Variants in VGLL3 observed in about 807,000 individuals in gnomAD.
VGLL3 encodes the protein vestigial like family member 3.
In VGLL3, 18 loss-of-function variants were observed where a neutral mutation model predicts 29.2. That is an observed-to-expected ratio of 0.62 (90% CI 0.43 to 0.91). The LOEUF is 0.91. VGLL3 is among the 40% of genes least tolerant of loss of function. The pLI is 0.00. For synonymous variants in VGLL3, 180 were observed against 151.8 expected (o/e 1.19, Z -1.36); for missense variants, 440 against 413.2 (o/e 1.06, Z -0.56).
intron 1 of VGLL3, among the ~76,000 whole-genome samples, chr3:86,988,829 A>C (rs1284014625): frequency 6.6e-6 from 1 of 151,744 alleles, no homozygotes; most frequent in African/African-American, 2.4e-5. Context: ...GTAACCAATC[A>C]ATGTAGATAA....
chr3:86,975,297 C>T (rs866440945), intron 2 of VGLL3, among the ~76,000 whole-genome samples: 3 of 152,146 alleles, frequency 2.0e-5, no homozygotes, highest in Middle Eastern at 6.3e-3. Flanking sequence ...TATTGAACCT[C>T]TTCTTTAAGA....
intron 3 of VGLL3, among the ~76,000 whole-genome samples, chr3:86,963,935 G>A (rs1704908687): frequency 6.6e-6 from 1 of 152,104 alleles, no homozygotes; most frequent in African/African-American, 2.4e-5. Context: ...AATTTTCATT[G>A]AGGGAGTGCA....
At position 86,991,027 on chromosome 3, in the gene VGLL3, C is replaced by A; in HGVS notation, c.-284G>T. 4 of 790,998 alleles carry A rather than the reference C, an allele frequency of 5.1e-6. No homozygotes were observed. The highest frequency in any genetic ancestry group is 1.2e-4 in the South Asian group (2 of 17,328). 49.0% of individuals were successfully genotyped at this position (790,998 alleles called of 1,614,324 possible). ...TCAGGGACGCAGCCGCCCGCTGCGC[C>A]GCTGGGGCATTACCGCGTCCGGCTC... On this transcript the variant is annotated 5_prime_UTR_variant, in exon 1 of 4. Coordinates refer to ENST00000398399, the MANE Select transcript of VGLL3 (RefSeq NM_016206.4).
chr3:86,986,512 G>A (rs945689852), intron 1 of VGLL3, among the ~76,000 whole-genome samples: 14 of 152,274 alleles, frequency 9.2e-5, no homozygotes, highest in Non-Finnish European at 2.1e-4. Context: ...AGTCTCTACA[G>A]TGAAGTTAAT....
At chr3:86,950,269 G>T (rs984672155) in intron 3 of VGLL3, among the ~76,000 whole-genome samples, 3 of 152,128 alleles carry the variant, frequency 2.0e-5, no homozygotes, top group African/African-American at 7.2e-5. Context: ...TAAAAATGAA[G>T]TGACCTAACA....
At chr3:86,980,877 G>A (rs1462913637) in intron 1 of VGLL3, among the ~76,000 whole-genome samples, 2 of 151,538 alleles carry the variant, frequency 1.3e-5, no homozygotes, top group African/African-American at 4.8e-5. Context: ...TATCTACATG[G>A]TGGCATCATT....
intron 3 of VGLL3, chr3:86,962,022 T>A: frequency 1.0e-6 from 1 of 984,118 alleles, no homozygotes; most frequent in Non-Finnish European, 1.2e-6. Flanking sequence ...TGATAATAGA[T>A]CTTTTCTTTT....
chr3:86,990,551 G>A (rs944249545), intron 1 of VGLL3, 67 bp downstream of exon 1: 2 of 1,308,656 alleles, frequency 1.5e-6, no homozygotes, highest in Admixed American at 6.1e-5. Context: ...ACGTCGCCGA[G>A]CCCCAGACCG....
At chr3:86,966,088 G>T (rs1391024741) in intron 3 of VGLL3, among the ~76,000 whole-genome samples, 2 of 151,906 alleles carry the variant, frequency 1.3e-5, no homozygotes, top group African/African-American at 2.4e-5. Flanking sequence ...TCTCTTTTTC[G>T]GGCCAGCCTC....
At chr3:86,989,826 T>C (rs1349719037) in intron 1 of VGLL3, among the ~76,000 whole-genome samples, 1 of 152,130 alleles carries the variant, frequency 6.6e-6, no homozygotes, top group East Asian at 1.9e-4. Flanking sequence ...CAAGGGCGCC[T>C]CGTGCCAAAT....
chr3:86,950,736 C>T (rs982362131), intron 3 of VGLL3, among the ~76,000 whole-genome samples: 1 of 152,040 alleles, frequency 6.6e-6, no homozygotes, highest in Non-Finnish European at 1.5e-5. Flanking sequence ...TGATGAAGAC[C>T]ACTTCAGTGG....
intron 2 of VGLL3, among the ~76,000 whole-genome samples, chr3:86,971,643 G>A (rs190485580): frequency 6.6e-6 from 1 of 152,204 alleles, no homozygotes; most frequent in East Asian, 1.9e-4. Context: ...ATTAACAATC[G>A]TCTCTTTGCA....
chr3:86,986,361 A>G (rs934402887), intron 1 of VGLL3, among the ~76,000 whole-genome samples: 7 of 152,098 alleles, frequency 4.6e-5, no homozygotes, highest in Admixed American at 3.9e-4. Flanking sequence ...TGCCCTTACC[A>G]TCATCATTGT....
At chr3:86,950,111 A>T (rs907126834) in intron 3 of VGLL3, among the ~76,000 whole-genome samples, 7 of 151,996 alleles carry the variant, frequency 4.6e-5, no homozygotes, top group Non-Finnish European at 8.8e-5. Flanking sequence ...CCCAAATCAA[A>T]CCTACTTGAA....
At chr3:86,965,355 A>G (rs1704936203) in intron 3 of VGLL3, among the ~76,000 whole-genome samples, 1 of 152,106 alleles carries the variant, frequency 6.6e-6, no homozygotes, top group Non-Finnish European at 1.5e-5. Context: ...CCCAATATCG[A>G]TGCTGAGTTT....
chr3:86,944,991 C>T lies in VGLL3; in HGVS notation c.*2033G>A, dbSNP rs1161515130. 2.0e-5 allele frequency: 3 copies of T among 152,156 alleles called. No homozygotes were observed. Among genetic ancestry groups the T allele is most frequent in the African/African-American group, 7.2e-5 (3 of 41,432 alleles). The allele number at this position is 152,156 out of a possible 1,614,324, so 9.4% of individuals were successfully genotyped here. A position where few individuals can be genotyped will look rare whatever the true frequency, so the allele number is the denominator to read the frequency against. On this transcript the variant is annotated 3_prime_UTR_variant, in exon 4 of 4. Coordinates refer to ENST00000398399, the MANE Select transcript of VGLL3 (RefSeq NM_016206.4). ...ATTTATAAATTCACTAAATTTTGTG[C>T]TCCATGTATTTGGGCAAATTATAAA...
chr3:86,964,445 T>C (rs192997476), intron 3 of VGLL3, among the ~76,000 whole-genome samples: 14 of 152,316 alleles, frequency 9.2e-5, no homozygotes, highest in African/African-American at 2.4e-4. Flanking sequence ...TTCAAGTAGA[T>C]ACAGTGAAAA....
rs1250742188 is a variant in VGLL3, at chr3:86,941,107, C to T, written c.*5917G>A. ...TTATATAATAAAAACAAATTGTATC[C>T]ATCTTCCCTTTAAATATATGTACTT... On this transcript the variant is annotated 3_prime_UTR_variant, in exon 4 of 4. Transcript: ENST00000398399. 1 of 151,868 alleles carries T rather than the reference C, an allele frequency of 6.6e-6. No individual in the cohort carries two copies. The highest frequency in any genetic ancestry group is 1.5e-5 in the Non-Finnish European group (1 of 67,786). 9.4% of individuals were successfully genotyped at this position (151,868 alleles called of 1,614,324 possible).
intron 1 of VGLL3, among the ~76,000 whole-genome samples, chr3:86,983,468 T>G (rs1359957863): frequency 6.6e-6 from 1 of 152,198 alleles, no homozygotes; most frequent in Non-Finnish European, 1.5e-5. Context: ...CACGGCTCAC[T>G]GCAGCCTCCA....
Sources: allele counts gnomAD v4.1 joint callset (sites outside exome capture counted in the v4.1 genomes callset), GRCh38; gene constraint gnomAD v4.1.1; transcripts MANE v1.5; gene names NCBI Gene and HGNC (gene_info 2026-07-23, HGNC 2026-07-21).